Variants in MAP1B observed in about 807,000 individuals in gnomAD.
The protein encoded by MAP1B is microtubule associated protein 1B.
Under a neutral mutation model 176.1 loss-of-function variants are expected in MAP1B, and 12 were observed. The ratio of observed to expected loss-of-function variants is 0.07; its 90% CI spans 0.04 to 0.11. The LOEUF (loss-of-function observed/expected upper bound fraction) is 0.11. Among genes scored for constraint, MAP1B ranks in the 10% least tolerant of loss-of-function variants. The pLI is 1.00. For missense variants in MAP1B, 2,523 were observed against 2,990.5 expected (o/e 0.84, Z 3.65); for synonymous variants, 1,044 against 1,135.0 (o/e 0.92, Z 1.61).
chr5:72,125,462 T>C (rs915255863), intron 2 of MAP1B, among the ~76,000 whole-genome samples: 6 of 152,276 alleles, frequency 3.9e-5, no homozygotes, highest in Admixed American at 1.3e-4. Flanking sequence ...TATCAGCCAA[T>C]CTGTCATTAA....
At chr5:72,111,998 A>G (rs1000411362) in intron 1 of MAP1B, among the ~76,000 whole-genome samples, 5 of 152,208 alleles carry the variant, frequency 3.3e-5, no homozygotes, top group Admixed American at 3.3e-4. Context: ...AAGGGAAAAA[A>G]TAAGAATTTT....
At position 72,199,722 on chromosome 5, in the gene MAP1B, C is replaced by G; in HGVS notation, c.6367C>G (p.Leu2123Val). ...ACCCACTGAAGAATCTGAAAAGCCC[C>G]TCACTCAATCAGGGGGAGCCCCACC... ...EEPTEESEKP[L>V]TQSGGAPPPP... Residue 2123 changes from leucine (L) to valine (V), a missense_variant, in exon 5 of 7, where the codon CTC becomes GTC. By Grantham distance (32) the Leu-to-Val change is conservative (BLOSUM62 1). Coordinates refer to ENST00000296755, the MANE Select transcript of MAP1B (RefSeq NM_005909.5). This position sits in a 1 kb window ranked among gnomAD's most constrained non-coding sequence, Gnocchi z 4.2. The G allele has an allele frequency of 6.2e-7, 1 of 1,614,176 alleles. No individual in the cohort carries two copies. Among genetic ancestry groups the G allele is most frequent in the Non-Finnish European group, 8.5e-7 (1 of 1,180,034 alleles).
chr5:72,109,996 G>A (rs1162757145), intron 1 of MAP1B, among the ~76,000 whole-genome samples: 1 of 152,180 alleles, frequency 6.6e-6, no homozygotes, highest in African/African-American at 2.4e-5. Context: ...CTATGAAGAA[G>A]GGCTCCCTGC....
intron 2 of MAP1B, among the ~76,000 whole-genome samples, chr5:72,157,983 G>T (rs1447487093): frequency 6.7e-6 from 1 of 150,328 alleles, no homozygotes; most frequent in Non-Finnish European, 1.5e-5. Context: ...GGGATTACAG[G>T]CATCTGCTAC....
At position 72,205,061 on chromosome 5, in the gene MAP1B, A is replaced by ATTTTT. The variant is rs763152671; in HGVS notation, c.7252-17_7252-13dup. 9 of 1,445,312 alleles carry ATTTTT rather than the reference A, an allele frequency of 6.2e-6. No homozygotes were observed. The Admixed American group carries it at 7.9e-5, about 13-fold the overall frequency. 89.5% of individuals were successfully genotyped at this position (1,445,312 alleles called of 1,614,324 possible). ...TTTCTGTTTCTGCCCTTAAATAGCT[A>ATTTTT]TTTTTTTTTTCTCTCCCTGCAGGTG... On this transcript the variant is annotated intron_variant, in intron 6 of 6. Coordinates refer to ENST00000296755, the MANE Select transcript of MAP1B (RefSeq NM_005909.5).
chr5:72,126,529 C>G (rs1278828347), intron 2 of MAP1B, among the ~76,000 whole-genome samples: 1 of 152,198 alleles, frequency 6.6e-6, no homozygotes, highest in East Asian at 1.9e-4. Context: ...CACTCTCTCC[C>G]ATGGATCTAG....
chr5:72,183,733 G>C lies in MAP1B; in HGVS notation c.287-10G>C, dbSNP rs539871543. ...GGTCTCCTCTTTTGTTTGTGTTTTT[G>C]TGCCTGCAGGACAAAAGATCCTTCA... On this transcript the variant is annotated splice_polypyrimidine_tract_variant and intron_variant, in intron 2 of 6. Transcript: ENST00000296755. The C allele has an allele frequency of 6.2e-7, 1 of 1,611,668 alleles. No homozygotes were observed. Among genetic ancestry groups the C allele is most frequent in the Non-Finnish European group, 8.5e-7 (1 of 1,178,072 alleles).
chr5:72,143,675 G>A lies in MAP1B; in HGVS notation c.286+27876G>A, dbSNP rs971472146. Among the ~76,000 whole-genome samples, 19 of 152,238 alleles carry A rather than the reference G, an allele frequency of 1.2e-4. No individual in the cohort carries two copies. In the South Asian group the frequency reaches 1.5e-3, roughly 12 times the overall value. Reference sequence around the variant, plus strand: ...AACAAAGTATCATCAACTGGGTGGCGTAAGTAACAGAAATGTATTGTCTCA... The same window carrying A: ...AACAAAGTATCATCAACTGGGTGGCATAAGTAACAGAAATGTATTGTCTCA... On this transcript the variant is annotated intron_variant, in intron 2 of 6. Transcript: ENST00000296755.
chr5:72,196,217 A>T lies in MAP1B; in HGVS notation c.2862A>T (p.Pro954=). ...EKAETEEAEE[P]EEDGEEHVCV... ...CAGAAACTGAGGAGGCTGAGGAGCC[A>T]GAAGAGGATGGGGAGGAACACGTAT... The change falls in exon 5 of 7, where the codon CCA becomes CCT. Residue 954 remains proline, a synonymous_variant. Transcript: ENST00000296755. The surrounding 1 kb of genome is among the most constrained non-coding windows in gnomAD (Gnocchi z 5.3). The T allele has an allele frequency of 6.2e-7, 1 of 1,613,652 alleles. No individual in the cohort carries two copies. Among genetic ancestry groups the T allele is most frequent in the South Asian group, 1.1e-5 (1 of 91,046 alleles).
chr5:72,107,779 G>T, intron 1 of MAP1B, 64 bp downstream of exon 1: 2 of 1,558,186 alleles, frequency 1.3e-6, no homozygotes, highest in Non-Finnish European at 1.7e-6. Context: ...CCCACCCAGG[G>T]CGCGACGGTC....
chr5:72,208,561 C>T lies in MAP1B; in HGVS notation c.*3322C>T, dbSNP rs1288909401. ...GGACTGGATACAATGACTAACTTCC[C>T]CTCCTCCCCTCTTTAAACACCATTT... On this transcript the variant is annotated 3_prime_UTR_variant, in exon 7 of 7. Coordinates refer to ENST00000296755, the MANE Select transcript of MAP1B (RefSeq NM_005909.5). 1 of 151,942 alleles carries T rather than the reference C, an allele frequency of 6.6e-6. No individual in the cohort carries two copies. The highest frequency in any genetic ancestry group is 1.5e-5 in the Non-Finnish European group (1 of 68,002). The allele number at this position is 151,942 out of a possible 1,614,324, so 9.4% of individuals were successfully genotyped here.
chr5:72,141,283 A>G (rs1188000255), intron 2 of MAP1B, among the ~76,000 whole-genome samples: 1 of 152,156 alleles, frequency 6.6e-6, no homozygotes, highest in Non-Finnish European at 1.5e-5. Context: ...ACATCTGAGC[A>G]TGGCTGGTGG....
In MAP1B at chr5:72,200,334, T is replaced by C. The variant is rs1747304106; in HGVS notation, c.6979T>C (p.Ser2327Pro). ...GGAGACCAAGAATGCTGCCAATGCC[T>C]CTGCATCCAAGTCGGCCAAGACCGC... ...DKETKNAANA[S>P]ASKSAKTATA... Residue 2327 changes from serine to proline, a missense_variant, in exon 5 of 7, where the codon TCT (serine) becomes CCT (proline). Coordinates refer to ENST00000296755, the MANE Select transcript of MAP1B (RefSeq NM_005909.5). 1 of 1,614,026 alleles carries C rather than the reference T, an allele frequency of 6.2e-7. No individual in the cohort carries two copies. Among genetic ancestry groups the C allele is most frequent in the African/African-American group, 1.3e-5 (1 of 75,034 alleles).
intron 5 of MAP1B, among the ~76,000 whole-genome samples, chr5:72,200,994 A>G (rs569008987): frequency 3.3e-5 from 5 of 152,304 alleles, no homozygotes; most frequent in Admixed American, 6.5e-5. Flanking sequence ...AGAGAAAAAC[A>G]TTGATGGCTC....
intron 1 of MAP1B, among the ~76,000 whole-genome samples, chr5:72,110,622 G>C (rs1745314194): frequency 6.6e-6 from 1 of 152,172 alleles, no homozygotes; most frequent in Non-Finnish European, 1.5e-5. Flanking sequence ...GCCTTGTTGT[G>C]TGAAGCAAGA....
Position 72,196,771 on chromosome 5 carries a change from C to T in MAP1B, c.3416C>T (p.Pro1139Leu). The T allele has an allele frequency of 1.2e-6, 2 of 1,614,150 alleles. No homozygotes were observed. The highest frequency in any genetic ancestry group is 1.7e-6 in the Non-Finnish European group (2 of 1,180,016). The change falls in exon 5 of 7, where the codon CCT (proline) becomes CTT (leucine). Residue 1139 changes from proline (P) to leucine (L), a missense_variant. Around this residue, in one of 4 missense-constraint regions of MAP1B, gnomAD observed 1,925 missense variants for 2,126.0 expected, o/e 0.91. Coordinates refer to ENST00000296755, the MANE Select transcript of MAP1B (RefSeq NM_005909.5). The surrounding 1 kb of genome is among the most constrained non-coding windows in gnomAD (Gnocchi z 5.3). ...ACCCCCATGGATGAGATGTCTACCC[C>T]TCGAGACGTGATGAGTGATGAGACC... ...EPTPMDEMST[P>L]RDVMSDETNN...
intron 2 of MAP1B, among the ~76,000 whole-genome samples, chr5:72,179,048 G>T (rs1746711888): frequency 6.6e-6 from 1 of 152,064 alleles, no homozygotes; most frequent in African/African-American, 2.4e-5. Context: ...CTCATTGTCT[G>T]CAAGGCCCCT....
chr5:72,200,670 G>T (rs1747314999), intron 5 of MAP1B, among the ~76,000 whole-genome samples: 1 of 152,140 alleles, frequency 6.6e-6, no homozygotes, highest in African/African-American at 2.4e-5. Flanking sequence ...AACCAAGGAT[G>T]TGTCTTTCAG....
rs1378072226 is a variant in MAP1B at position 72,198,055 on chromosome 5, C to T, written c.4700C>T (p.Thr1567Ile). 6.2e-7 allele frequency: 1 copy of T among 1,614,214 alleles called. No homozygotes were observed. Among genetic ancestry groups the T allele is most frequent in the African/African-American group, 1.3e-5 (1 of 75,042 alleles). ...VATSSFPEPT[T>I]DDVSPSLHAE... ...ACGAGCTCATTTCCAGAGCCAACAA[C>T]AGATGATGTGTCTCCATCTCTGCAT... is the stretch of plus-strand genomic sequence containing the variant. Residue 1567 changes from threonine to isoleucine, a missense_variant, in exon 5 of 7, where the codon ACA (threonine) becomes ATA (isoleucine). Thr to Ile is a moderately conservative substitution (Grantham distance 89). This residue lies in a region of MAP1B where 1,925 missense variants were observed against 2,126.0 expected (regional missense o/e 0.91). Transcript: ENST00000296755.
Sources: gnomAD v4.1 joint callset for allele counts (sites outside exome capture counted in the v4.1 genomes callset) on GRCh38, gnomAD v4.1.1 for gene constraint, gnomAD v4.1.1 regional missense constraint, Gnocchi (gnomAD v3.1) non-coding constraint, MANE v1.5 for transcripts, NCBI Gene and HGNC (gene_info 2026-07-23, HGNC 2026-07-21) for gene names.